The following ZCCHC7 variants were observed in gnomAD, a reference collection of about 807,000 sequenced individuals.
The protein encoded by ZCCHC7 is zinc finger CCHC domain-containing protein 7.
In ZCCHC7, 35 loss-of-function variants were observed where a neutral mutation model predicts 52.0. The ratio of observed to expected loss-of-function variants is 0.67; its 90% confidence interval spans 0.51 to 0.89. The LOEUF is 0.89. Ranked by LOEUF, ZCCHC7 falls within the 40% of genes least tolerant of loss-of-function variation. ZCCHC7 has a pLI of 0.00. For missense variants in ZCCHC7, 574 were observed against 649.1 expected, an observed-to-expected ratio of 0.88 and a Z score of 1.26; for synonymous variants, 217 against 221.5, an observed-to-expected ratio of 0.98 and a Z score of 0.18.
At chr9:37,164,478 T>TAGATAGATAGATAGATAGATAGACAGACA (rs751282022) in intron 2 of ZCCHC7, among the ~76,000 whole-genome samples, 1 of 147,372 alleles carries the variant, frequency 6.8e-6, no homozygotes, top group African/African-American at 2.6e-5. Context: ...GATAGATAGA[T>TAGATAGATAGATAGATAGATAGACAGACA]AGATAGATAG....
At position 37,126,359 on chromosome 9, in the gene ZCCHC7, A is replaced by G. The variant is rs781063244; in HGVS notation, c.27A>G (p.Ile9Met). 2.5e-6 allele frequency: 4 copies of G among 1,613,934 alleles called. No homozygotes were observed. Among genetic ancestry groups the G allele is most frequent in the South Asian group, 1.1e-5 (1 of 91,040 alleles). Residue 9 changes from isoleucine to methionine, a missense_variant, in exon 2 of 9, where the codon ATA becomes ATG. By Grantham distance (10) the Ile-to-Met change is conservative. Transcript: ENST00000336755. MMFGGYETIEAYEDDLYRD... is the reference protein window; with the variant it reads MMFGGYETMEAYEDDLYRD... Reference sequence around the variant, plus strand: ...TGATGTTTGGTGGCTATGAGACTATAGAAGCATACGAAGATGATCTTTATC... The same window carrying G: ...TGATGTTTGGTGGCTATGAGACTATGGAAGCATACGAAGATGATCTTTATC...
At chr9:37,125,397 G>T (rs2132678704) in intron 1 of ZCCHC7, among the ~76,000 whole-genome samples, 2 of 152,258 alleles carry the variant, frequency 1.3e-5, no homozygotes, top group African/African-American at 4.8e-5. Context: ...ACCTCAACGT[G>T]ATCCTCCTGC....
chr9:37,121,063 A>C (rs990232119), intron 1 of ZCCHC7, among the ~76,000 whole-genome samples: 4 of 152,200 alleles, frequency 2.6e-5, no homozygotes, highest in Non-Finnish European at 4.4e-5. Flanking sequence ...CAGCAGCTGC[A>C]GCAGTAGAAT....
At chr9:37,174,951 A>G (rs13289880) in intron 2 of ZCCHC7, among the ~76,000 whole-genome samples, 31,570 of 151,704 alleles carry the variant, frequency 0.21, 3,542 homozygotes, top group Non-Finnish European at 0.25. Flanking sequence ...AGCCTGGCCA[A>G]TATGGTGAAA....
chr9:37,270,482 G>A (rs189700299), intron 2 of ZCCHC7, among the ~76,000 whole-genome samples: 26 of 152,090 alleles, frequency 1.7e-4, no homozygotes, highest in East Asian at 3.9e-4. Context: ...CCTGAAGTCC[G>A]GGGTTCAAAA....
At chr9:37,312,367 A>G (rs1829638158) in intron 5 of ZCCHC7, among the ~76,000 whole-genome samples, 1 of 152,246 alleles carries the variant, frequency 6.6e-6, no homozygotes, top group African/African-American at 2.4e-5. Context: ...AAAAAGATGA[A>G]TAAAACATGA....
At chr9:37,213,375 A>G (rs1281855709) in intron 2 of ZCCHC7, among the ~76,000 whole-genome samples, 5 of 152,176 alleles carry the variant, frequency 3.3e-5, no homozygotes, top group African/African-American at 1.2e-4. Flanking sequence ...ATGAATAAAG[A>G]CAGACTTAGA....
intron 6 of ZCCHC7, among the ~76,000 whole-genome samples, chr9:37,333,418 G>C (rs2118303742): frequency 6.6e-6 from 1 of 151,694 alleles, no homozygotes; most frequent in African/African-American, 2.4e-5. Flanking sequence ...TTATTTGACG[G>C]AAAAAGTCCC....
At chr9:37,212,294 A>C (rs7046447) in intron 2 of ZCCHC7, among the ~76,000 whole-genome samples, 5,636 of 152,030 alleles carry the variant, frequency 0.037, 231 homozygotes, top group African/African-American at 0.099. Context: ...ACCCTGAGCC[A>C]ATCTTCTACC....
rs1159152462 is a variant in ZCCHC7 at position 37,278,036 on chromosome 9, G to GTGTGT, written c.611-24151_611-24150insGTGTT. Among the ~76,000 whole-genome samples the GTGTGT allele has an allele frequency of 1.3e-4, 13 of 97,830 alleles. No homozygotes were observed. In the South Asian group the frequency reaches 1.5e-3, roughly 11 times the overall value. The allele number at this position is 97,830 out of a possible 152,430, so 64.2% of individuals were successfully genotyped here. ...TGTTTGTGTGTGTGTGTGTGTGTGT[G>GTGTGT]TTTTGTTTTGTTTTGTTTTGTTTTG... On this transcript the variant is annotated intron_variant, in intron 2 of 8. Coordinates refer to ENST00000336755, the MANE Select transcript of ZCCHC7 (RefSeq NM_032226.3).
At chr9:37,181,149 C>G (rs902707141) in intron 2 of ZCCHC7, among the ~76,000 whole-genome samples, 1 of 151,918 alleles carries the variant, frequency 6.6e-6, no homozygotes. Context: ...GTGTAAGAAA[C>G]TTAGAATATT....
chr9:37,177,857 C>G (rs935927596), intron 2 of ZCCHC7, among the ~76,000 whole-genome samples: 2 of 152,184 alleles, frequency 1.3e-5, no homozygotes. Context: ...GTCAGAGATA[C>G]TGTCACAGCC....
chr9:37,318,103 T>A (rs1193742407), intron 5 of ZCCHC7, among the ~76,000 whole-genome samples: 1 of 151,984 alleles, frequency 6.6e-6, no homozygotes, highest in Non-Finnish European at 1.5e-5. Flanking sequence ...AATGTTTATA[T>A]CAAAGTTGTT....
chr9:37,265,464 A>G lies in ZCCHC7; in HGVS notation c.611-36724A>G, dbSNP rs527962985. The stretch of plus-strand genomic sequence containing the variant: ...CAGTTCAACCAACTTGTTTCTAGCC[A>G]TGTTTTTATTTAATAGTTTCTGATT... On this transcript the variant is annotated intron_variant, in intron 2 of 8. Transcript: ENST00000336755. Among the ~76,000 whole-genome samples, 29 of 152,234 alleles carry G rather than the reference A, an allele frequency of 1.9e-4. No individual in the cohort carries two copies. In the South Asian group the frequency reaches 6.0e-3, roughly 32 times the overall value.
intron 2 of ZCCHC7, among the ~76,000 whole-genome samples, chr9:37,129,943 A>T (rs1842701918): frequency 6.6e-6 from 1 of 152,200 alleles, no homozygotes; most frequent in East Asian, 1.9e-4. Context: ...CAGTGGTAAA[A>T]GACTTAAGTT....
intron 2 of ZCCHC7, among the ~76,000 whole-genome samples, chr9:37,178,929 A>G (rs898900168): frequency 6.6e-6 from 1 of 152,218 alleles, no homozygotes; most frequent in African/African-American, 2.4e-5. Context: ...TTATTTTGCA[A>G]ATCAGCATAA....
chr9:37,278,193 C>T (rs554443788), intron 2 of ZCCHC7, among the ~76,000 whole-genome samples: 55 of 152,058 alleles, frequency 3.6e-4, no homozygotes, highest in African/African-American at 1.3e-3. Flanking sequence ...CCAAGTAGCT[C>T]GGACTGTAGG....
intron 2 of ZCCHC7, among the ~76,000 whole-genome samples, chr9:37,239,019 T>C (rs1031273306): frequency 1.1e-4 from 17 of 152,164 alleles, no homozygotes; most frequent in Non-Finnish European, 5.9e-5. Context: ...GTTTTTACAT[T>C]TTAAGAACAA....
chr9:37,142,635 A>T (rs1268793259), intron 2 of ZCCHC7, among the ~76,000 whole-genome samples: 4 of 151,818 alleles, frequency 2.6e-5, no homozygotes, highest in African/African-American at 4.8e-5. Flanking sequence ...TAGTCTAATT[A>T]GCTGTTGTTT....
Sources: allele counts gnomAD v4.1 joint callset (sites outside exome capture counted in the v4.1 genomes callset), GRCh38; gene constraint gnomAD v4.1.1; transcripts MANE v1.5; gene names NCBI Gene and HGNC (gene_info 2026-07-23, HGNC 2026-07-21).